Variants in JARID2 observed in about 807,000 individuals in gnomAD.
JARID2 encodes jumonji and AT-rich interaction domain containing 2.
JARID2 carries 21 observed loss-of-function variants against 125.6 expected under a neutral mutation model. The ratio of observed to expected loss-of-function variants is 0.17; its 90% CI spans 0.12 to 0.24. The LOEUF is 0.24. Ranked by LOEUF, JARID2 falls within the 10% of genes least tolerant of loss-of-function variation. The pLI, the probability that JARID2 is intolerant of heterozygous loss-of-function variation, is 1.00. For missense variants in JARID2, 1,303 were observed against 1,639.6 expected (o/e 0.79, Z 3.55); for synonymous variants, 736 against 661.6 (o/e 1.11, Z -1.73).
Position 15,507,186 on chromosome 6 carries a change from C to T in JARID2, c.2592C>T (p.His864=), listed in dbSNP as rs776085986. Residue 864 remains histidine (H), a synonymous_variant, in exon 10 of 18, where the codon CAC becomes CAT. Coordinates refer to ENST00000341776, the MANE Select transcript of JARID2 (RefSeq NM_004973.4). ...AGAAGGACTGCCACGTGGCAGTGCA[C>T]TGCGGCAAGGTGGACACCAACACTC... The part of the protein sequence containing the change: ...VEEKDCHVAV[H]CGKVDTNTHG... The T allele has an allele frequency of 5.6e-6, 9 of 1,613,920 alleles. No homozygotes were observed. Among genetic ancestry groups the T allele is most frequent in the Non-Finnish European group, 7.6e-6 (9 of 1,179,894 alleles).
At chr6:15,465,415 C>T (rs564804237) in intron 4 of JARID2, among the ~76,000 whole-genome samples, 1 of 152,338 alleles carries the variant, frequency 6.6e-6, no homozygotes, top group South Asian at 2.1e-4. Flanking sequence ...CACACCACTG[C>T]ATTCCAGCCT....
intron 3 of JARID2, among the ~76,000 whole-genome samples, chr6:15,441,623 G>A (rs894281607): frequency 2.0e-5 from 3 of 152,152 alleles, no homozygotes; most frequent in Non-Finnish European, 4.4e-5. Flanking sequence ...CTGGGACTTA[G>A]AGGACACTCT....
At chr6:15,278,343 T>C (rs920642901) in intron 1 of JARID2, among the ~76,000 whole-genome samples, 1 of 151,972 alleles carries the variant, frequency 6.6e-6, no homozygotes. Context: ...TCCCAGCACT[T>C]TGGGAGGCTG....
In JARID2 at chr6:15,504,458, A is replaced by C. The variant is rs370975959; in HGVS notation, c.2449-42A>C. 127 of 1,478,196 alleles carry C rather than the reference A, an allele frequency of 8.6e-5. No homozygotes were observed. In the South Asian group the frequency reaches 1.2e-3, roughly 14 times the overall value. 91.6% of individuals were successfully genotyped at this position (1,478,196 alleles called of 1,614,324 possible). On this transcript the variant is annotated intron_variant, in intron 8 of 17. Transcript: ENST00000341776. The stretch of plus-strand genomic sequence containing the variant: ...TCTGGCCTCATTTGCAGTAGGGTTC[A>C]GCTTTGCTTCTGAAGCTTTACTGTT...
intron 1 of JARID2, among the ~76,000 whole-genome samples, chr6:15,267,985 G>T (rs1273257382): frequency 2.6e-5 from 4 of 152,140 alleles, no homozygotes; most frequent in African/African-American, 9.7e-5. Context: ...TCGGTTAATA[G>T]TATGGACAAC....
At chr6:15,292,675 G>A (rs543305893) in intron 1 of JARID2, among the ~76,000 whole-genome samples, 1 of 152,186 alleles carries the variant, frequency 6.6e-6, no homozygotes, top group Admixed American at 6.5e-5. Flanking sequence ...TTATGTATTT[G>A]TTTATGTTTT....
At chr6:15,330,810 C>CA (rs1762680916) in intron 1 of JARID2, among the ~76,000 whole-genome samples, 1 of 152,128 alleles carries the variant, frequency 6.6e-6, no homozygotes, top group African/African-American at 2.4e-5. Context: ...AAAGCTTTCT[C>CA]AAAAAATATA....
At chr6:15,248,234 G>A (rs943013410) in intron 1 of JARID2, 5 of 298,198 alleles carry the variant, frequency 1.7e-5, no homozygotes, top group Non-Finnish European at 2.5e-5. Flanking sequence ...ACGGCCCGCG[G>A]GGGTCGCGGC....
intron 3 of JARID2, among the ~76,000 whole-genome samples, chr6:15,413,102 C>T (rs1024523241): frequency 4.8e-5 from 7 of 147,116 alleles, no homozygotes; most frequent in African/African-American, 1.8e-4. Flanking sequence ...TCACCGCAAC[C>T]TCTGCCTCCC....
intron 3 of JARID2, among the ~76,000 whole-genome samples, chr6:15,428,073 G>A (rs149533120): frequency 6.6e-6 from 1 of 152,218 alleles, no homozygotes; most frequent in African/African-American, 2.4e-5. Flanking sequence ...AGTCTGGCGG[G>A]TGATGAAAGG....
chr6:15,471,189 CTT>C (rs1193406000), intron 5 of JARID2, among the ~76,000 whole-genome samples: 2 of 152,152 alleles, frequency 1.3e-5, no homozygotes, highest in African/African-American at 2.4e-5. Flanking sequence ...AAGGTAATAA[CTT>C]TATAATCTTT....
At chr6:15,416,136 C>T (rs1268027966) in intron 3 of JARID2, among the ~76,000 whole-genome samples, 6 of 151,526 alleles carry the variant, frequency 4.0e-5, no homozygotes, top group Non-Finnish European at 7.4e-5. Flanking sequence ...GGATGGCGGC[C>T]GGGAAGAGGC....
intron 4 of JARID2, among the ~76,000 whole-genome samples, chr6:15,454,203 ACT>A (rs1768048424): frequency 6.6e-6 from 1 of 151,938 alleles, no homozygotes; most frequent in South Asian, 2.1e-4. Flanking sequence ...ACGATGGGAA[ACT>A]CAGCCCTGAC....
At chr6:15,512,884 C>T in intron 14 of JARID2, 31 bp from the exon 15 acceptor site, 1 of 1,602,326 alleles carries the variant, frequency 6.2e-7, no homozygotes. Context: ...TAATGAAAAT[C>T]CACCCTAAAG....
intron 2 of JARID2, among the ~76,000 whole-genome samples, chr6:15,379,992 T>G (rs543138179): frequency 1.3e-5 from 2 of 151,260 alleles, no homozygotes; most frequent in African/African-American, 4.9e-5. Flanking sequence ...TAAGTAGGTA[T>G]TTATTTGGAA....
chr6:15,289,561 A>T (rs1174701965), intron 1 of JARID2, among the ~76,000 whole-genome samples: 1 of 152,112 alleles, frequency 6.6e-6, no homozygotes, highest in East Asian at 1.9e-4. Context: ...TAAAAAAAAA[A>T]AACCATGTTT....
intron 3 of JARID2, among the ~76,000 whole-genome samples, chr6:15,414,262 C>A (rs923527187): frequency 6.6e-6 from 1 of 152,104 alleles, no homozygotes; most frequent in Non-Finnish European, 1.5e-5. Flanking sequence ...CACGTTGAAG[C>A]AATTACATTT....
chr6:15,359,719 T>C (rs1763726102), intron 1 of JARID2, among the ~76,000 whole-genome samples: 1 of 151,938 alleles, frequency 6.6e-6, no homozygotes, highest in Admixed American at 6.6e-5. Context: ...TTTTCCTTTT[T>C]TTTTTTTATT....
intron 2 of JARID2, among the ~76,000 whole-genome samples, chr6:15,377,080 C>G (rs1317517908): frequency 1.3e-5 from 2 of 152,134 alleles, no homozygotes; most frequent in Non-Finnish European, 1.5e-5. Flanking sequence ...CATGTCCTAT[C>G]TCATAGAAAC....
Sources: gnomAD v4.1 joint callset for allele counts (sites outside exome capture counted in the v4.1 genomes callset) on GRCh38, gnomAD v4.1.1 for gene constraint, MANE v1.5 for transcripts, NCBI Gene and HGNC (gene_info 2026-07-23, HGNC 2026-07-21) for gene names.